The following GFOD1 variants were observed in gnomAD, a reference collection of about 807,000 sequenced individuals.
GFOD1 encodes the protein glucose-fructose oxidoreductase domain-containing protein 1.
GFOD1 carries 9 observed loss-of-function variants against 25.4 expected under a neutral mutation model. That is an observed-to-expected ratio of 0.35 (90% CI 0.21 to 0.62). The LOEUF (loss-of-function observed/expected upper bound fraction) is 0.62. Ranked by LOEUF, GFOD1 falls within the 20% of genes least tolerant of loss-of-function variation. The pLI is 0.72. For missense variants in GFOD1, 403 were observed against 556.9 expected (o/e 0.72, Z 2.78); for synonymous variants, 253 against 245.6 (o/e 1.03, Z -0.28).
chr6:13,438,127 T>C (rs1393703017), intron 1 of GFOD1, among the ~76,000 whole-genome samples: 1 of 152,156 alleles, frequency 6.6e-6, no homozygotes, highest in Non-Finnish European at 1.5e-5. Context: ...CACAAAGAAC[T>C]TGGGGAGGAT....
chr6:13,378,018 A>G (rs1785287799), intron 1 of GFOD1, among the ~76,000 whole-genome samples: 1 of 152,162 alleles, frequency 6.6e-6, no homozygotes, highest in Non-Finnish European at 1.5e-5. Context: ...CCAGAGCCTC[A>G]GTCTTGGGGC....
rs1252532594 is a variant in GFOD1, at chr6:13,358,323, T to TATACATACA, written c.*6411_*6419dup. On this transcript the variant is annotated 3_prime_UTR_variant, in exon 2 of 2. Transcript: ENST00000379287. ...ATATATATAAGTTTGGTTTTATACA[T>TATACATACA]ATACATACATATATACTCATGTTTG... 2.0e-5 allele frequency: 3 copies of TATACATACA among 152,122 alleles called. No homozygotes were observed. Among genetic ancestry groups the TATACATACA allele is most frequent in the Non-Finnish European group, 2.9e-5 (2 of 68,034 alleles). The allele number at this position is 152,122 out of a possible 1,614,324, so 9.4% of individuals were successfully genotyped here. A position where few individuals can be genotyped will look rare whatever the true frequency, so the allele number is the denominator to read the frequency against.
chr6:13,384,149 C>T (rs1785420263), intron 1 of GFOD1, among the ~76,000 whole-genome samples: 1 of 152,150 alleles, frequency 6.6e-6, no homozygotes, highest in Admixed American at 6.5e-5. Flanking sequence ...ATCACTTGAA[C>T]CCGGGGATGG....
chr6:13,426,106 C>T (rs1046907270), intron 1 of GFOD1, among the ~76,000 whole-genome samples: 4 of 152,182 alleles, frequency 2.6e-5, no homozygotes, highest in African/African-American at 4.8e-5. Context: ...GCACACGATG[C>T]GAGATGCAAA....
In GFOD1 at chr6:13,409,153, G is replaced by GAAAA. The variant is rs368758101; in HGVS notation, c.254-43492_254-43491insTTTT. ...AGAAAGAAAGAAAGAAAGAAAGAGA[G>GAAAA]GAAAGAAAGAAAGGAAAGAGAGAGA... On this transcript the variant is annotated intron_variant, in intron 1 of 1. Transcript: ENST00000379287. Among the ~76,000 whole-genome samples the GAAAA allele has an allele frequency of 4.5e-5, 2 of 44,444 alleles. 1 individual carries two copies. Among genetic ancestry groups the GAAAA allele is most frequent in the Non-Finnish European group, 1.0e-4 (2 of 19,280 alleles). The allele number at this position is 44,444 out of a possible 152,430, so 29.2% of individuals were successfully genotyped here.
chr6:13,384,235 G>GCTAAA (rs540088252), intron 1 of GFOD1, among the ~76,000 whole-genome samples: 25 of 152,216 alleles, frequency 1.6e-4, no homozygotes, highest in African/African-American at 5.1e-4. Context: ...CAAAAACTAA[G>GCTAAA]CTAAACTAAA....
At chr6:13,393,853 C>G (rs1785671291) in intron 1 of GFOD1, among the ~76,000 whole-genome samples, 1 of 143,460 alleles carries the variant, frequency 7.0e-6, no homozygotes, top group South Asian at 2.2e-4. Context: ...GATCTCGGCT[C>G]ACTGCAAGCT....
chr6:13,395,021 A>G (rs1005155827), intron 1 of GFOD1, among the ~76,000 whole-genome samples: 11 of 152,056 alleles, frequency 7.2e-5, no homozygotes, highest in African/African-American at 2.7e-4. Context: ...GGCCTCAAGG[A>G]ATCCCCCGAC....
At chr6:13,370,733 G>C (rs1404381582) in intron 1 of GFOD1, among the ~76,000 whole-genome samples, 1 of 151,986 alleles carries the variant, frequency 6.6e-6, no homozygotes, top group East Asian at 1.9e-4. Context: ...GTGTATGTAT[G>C]TATGTGTGTA....
chr6:13,410,520 T>C (rs963593579), intron 1 of GFOD1, among the ~76,000 whole-genome samples: 3 of 148,528 alleles, frequency 2.0e-5, no homozygotes, highest in Non-Finnish European at 3.0e-5. Flanking sequence ...TGAGCTTAGA[T>C]AGCATCATTG....
At chr6:13,459,523 A>G (rs1305740001) in intron 1 of GFOD1, among the ~76,000 whole-genome samples, 2 of 152,118 alleles carry the variant, frequency 1.3e-5, no homozygotes, top group Non-Finnish European at 2.9e-5. Context: ...TAATTAAACT[A>G]AAGAGCTTCT....
intron 1 of GFOD1, among the ~76,000 whole-genome samples, chr6:13,467,443 A>AC (rs1758396861): frequency 6.6e-6 from 1 of 152,146 alleles, no homozygotes; most frequent in Non-Finnish European, 1.5e-5. Flanking sequence ...GCACACCACC[A>AC]CACACACAGC....
rs1784955802 is a variant in GFOD1, at chr6:13,362,132, T to C, written c.*2611A>G. On this transcript the variant is annotated 3_prime_UTR_variant, in exon 2 of 2. Transcript: ENST00000379287. The stretch of plus-strand genomic sequence containing the variant: ...AATAATAATAATAATAATTCCAATG[T>C]TTCCCCAAAAACTACTTTCCCAGGG... The C allele has an allele frequency of 6.6e-6, 1 of 152,062 alleles. No individual in the cohort carries two copies. Among genetic ancestry groups the C allele is most frequent in the Non-Finnish European group, 1.5e-5 (1 of 68,002 alleles). The allele number at this position is 152,062 out of a possible 1,614,324, so 9.4% of individuals were successfully genotyped here. A position where few individuals can be genotyped will look rare whatever the true frequency, so the allele number is the denominator to read the frequency against.
intron 1 of GFOD1, among the ~76,000 whole-genome samples, chr6:13,393,944 A>G (rs1213139248): frequency 6.6e-6 from 1 of 151,712 alleles, no homozygotes; most frequent in Non-Finnish European, 1.5e-5. Context: ...ACGCCCGGCT[A>G]ATTTTTTGTA....
chr6:13,450,205 G>A (rs781623861), intron 1 of GFOD1, among the ~76,000 whole-genome samples: 2 of 152,202 alleles, frequency 1.3e-5, no homozygotes, highest in Non-Finnish European at 2.9e-5. Flanking sequence ...GATTCTAGGT[G>A]GGGCTGAGGG....
In GFOD1 at chr6:13,477,285, C is replaced by T. The variant is rs1012167539; in HGVS notation, c.253+9353G>A. The stretch of plus-strand genomic sequence containing the variant: ...AGAGATTCGTTTTAAGGAATTGGCT[C>T]GCACAATTGTGGGGTTGGCAAGTCT... On this transcript the variant is annotated intron_variant, in intron 1 of 1. Coordinates refer to ENST00000379287, the MANE Select transcript of GFOD1 (RefSeq NM_018988.4). Among the ~76,000 whole-genome samples the T allele has an allele frequency of 4.0e-5, 6 of 150,268 alleles. No individual in the cohort carries two copies. The East Asian group carries it at 5.9e-4, about 15-fold the overall frequency.
chr6:13,465,996 A>C (rs1184447094), intron 1 of GFOD1, among the ~76,000 whole-genome samples: 2 of 152,208 alleles, frequency 1.3e-5, no homozygotes, highest in Non-Finnish European at 2.9e-5. Context: ...GTTGGATCTT[A>C]GGAACACTTC....
intron 1 of GFOD1, among the ~76,000 whole-genome samples, chr6:13,374,678 T>A (rs1287698968): frequency 6.7e-6 from 1 of 150,272 alleles, no homozygotes; most frequent in African/African-American, 2.4e-5. Flanking sequence ...TCAATACATA[T>A]AATGTATAGT....
chr6:13,398,131 T>A, intron 1 of GFOD1, among the ~76,000 whole-genome samples: 1 of 152,234 alleles, frequency 6.6e-6, no homozygotes, highest in East Asian at 1.9e-4. Flanking sequence ...TTATGTTATG[T>A]ACAATGTCAG....
Sources: gnomAD v4.1 joint callset for allele counts (sites outside exome capture counted in the v4.1 genomes callset) on GRCh38, gnomAD v4.1.1 for gene constraint, MANE v1.5 for transcripts, NCBI Gene and HGNC (gene_info 2026-07-23, HGNC 2026-07-21) for gene names.